ABR: variants seen among roughly 807,000 people sequenced by gnomAD.
ABR encodes the protein active breakpoint cluster region-related protein.
ABR carries 35 observed loss-of-function variants against 107.2 expected under a neutral mutation model. The observed-to-expected ratio is 0.33, with a 90% CI of 0.25 to 0.43. ABR has a LOEUF of 0.43. Among genes scored for constraint, ABR ranks in the 20% least tolerant of loss-of-function variants. ABR has a pLI of 1.00. For synonymous variants in ABR, 498 were observed against 462.0 expected (o/e 1.08, Z -1.00); for missense variants, 815 against 1,115.2 (o/e 0.73, Z 3.83).
rs796647712 is a variant in ABR at position 1,208,805 on chromosome 17, A to C, written c.838+19988T>G. The stretch of plus-strand genomic sequence containing the variant: ...CGGGAGGCTGAGGCAGGAGAATGGC[A>C]TGAACCCGGGAGGTGGAGCTTGCAG... On this transcript the variant is annotated intron_variant, in intron 1 of 22. Coordinates refer to the ABR transcript ENST00000574139. Among the ~76,000 whole-genome samples the C allele has an allele frequency of 7.0e-4, 106 of 151,456 alleles. 1 individual carries two copies. The Middle Eastern group carries it at 0.017, about 24-fold the overall frequency.
At chr17:1,176,947 C>T (rs1173250345) in intron 1 of ABR, among the ~76,000 whole-genome samples, 3 of 151,972 alleles carry the variant, frequency 2.0e-5, no homozygotes, top group African/African-American at 4.8e-5. Context: ...TCAGGAGACG[C>T]TATTATCATT....
intron 16 of ABR, among the ~76,000 whole-genome samples, chr17:1,030,423 G>A (rs776946673): frequency 3.3e-5 from 5 of 152,228 alleles, no homozygotes; most frequent in African/African-American, 1.2e-4. Flanking sequence ...ATGAGTCCAC[G>A]CTGCCGGGCA....
intron 7 of ABR, 117 bp from the exon 8 acceptor site, chr17:1,072,871 G>T (rs929603470): frequency 2.3e-6 from 3 of 1,326,852 alleles, no homozygotes; most frequent in Non-Finnish European, 3.0e-6. Context: ...CCTAATTCCC[G>T]CAAAATCTGA....
At chr17:1,093,499 T>C (rs955718061) in intron 3 of ABR, among the ~76,000 whole-genome samples, 3 of 152,074 alleles carry the variant, frequency 2.0e-5, no homozygotes, top group African/African-American at 7.2e-5. Context: ...AGACTTAATC[T>C]ACGTTGCTCT....
chr17:1,127,507 A>C (rs1168439530), intron 1 of ABR, among the ~76,000 whole-genome samples: 1 of 152,058 alleles, frequency 6.6e-6, no homozygotes, highest in African/African-American at 2.4e-5. Flanking sequence ...TGGGTCCGTG[A>C]AGGGCCTGGC....
chr17:1,018,689 C>T (rs1331882698), intron 16 of ABR, among the ~76,000 whole-genome samples: 5 of 152,164 alleles, frequency 3.3e-5, no homozygotes, highest in South Asian at 2.1e-4. Context: ...CTTTCACCTC[C>T]GTGAACTTCA....
rs568041658 is a variant in ABR, at chr17:1,052,358, G to C, written c.1562-1724C>G. 5.6e-4 allele frequency among the ~76,000 whole-genome samples: 84 copies of C among 150,956 alleles called. 1 individual carries two copies. The highest frequency in any genetic ancestry group is 1.9e-3 in the African/African-American group (77 of 40,944). Reference sequence around the variant, plus strand: ...GGGCTGGGGAGGGCTCACAGGGTCAGAGGGAGGGTTCCGGAAGGGGCTGGG... The same window carrying C: ...GGGCTGGGGAGGGCTCACAGGGTCACAGGGAGGGTTCCGGAAGGGGCTGGG... On this transcript the variant is annotated intron_variant, in intron 14 of 22. Coordinates refer to ENST00000302538, the MANE Select transcript of ABR (RefSeq NM_021962.5).
At chr17:1,100,593 C>T (rs374210474) in intron 3 of ABR, 44 bp downstream of exon 3, 52 of 1,579,472 alleles carry the variant, frequency 3.3e-5, no homozygotes, top group Middle Eastern at 1.7e-4. Flanking sequence ...TCACCCAACA[C>T]GGGCGGGGGG....
chr17:1,080,212 TACTC>T (rs2036119285), intron 5 of ABR, among the ~76,000 whole-genome samples: 1 of 152,036 alleles, frequency 6.6e-6, no homozygotes, highest in South Asian at 2.1e-4. Context: ...AGAGAGCACT[TACTC>T]AGCCCCCAGC....
chr17:1,072,901 C>T, intron 7 of ABR, 147 bp from the exon 8 acceptor site: 1 of 1,152,114 alleles, frequency 8.7e-7, no homozygotes, highest in South Asian at 1.6e-5. Flanking sequence ...CAGAGTCAGG[C>T]CGGGCACGGC....
intron 2 of ABR, among the ~76,000 whole-genome samples, chr17:1,104,852 T>C (rs896412506): frequency 1.3e-5 from 2 of 152,188 alleles, no homozygotes; most frequent in Non-Finnish European, 2.9e-5. Context: ...TATTCTGGGC[T>C]CCCTATTGCT....
At chr17:1,017,539 G>C (rs528160129) in intron 16 of ABR, among the ~76,000 whole-genome samples, 1 of 147,500 alleles carries the variant, frequency 6.8e-6, no homozygotes, top group Non-Finnish European at 1.5e-5. Flanking sequence ...GTGTGATCTC[G>C]GCTGACTGCA....
chr17:1,042,560 A>G (rs1490634127), intron 16 of ABR, among the ~76,000 whole-genome samples: 1 of 151,262 alleles, frequency 6.6e-6, no homozygotes, highest in Non-Finnish European at 1.5e-5. Flanking sequence ...GGACGGATGG[A>G]TGGGTAAACA....
Position 1,050,631 on chromosome 17 carries a change from A to G in ABR, c.1565T>C (p.Leu522Pro). ...GGAATCCACCTCCAGGGTACAGTACAGGTCTGTGGGGGAAGGACAGACGGA... is the reference window on the plus strand; with the variant it reads ...GGAATCCACCTCCAGGGTACAGTACGGGTCTGTGGGGGAAGGACAGACGGA... ...SAKGFKQSAN[L>P]YCTLEVDSFG... The change falls in exon 15 of 23, where the codon CTG becomes CCG. Residue 522 changes from leucine to proline, a missense_variant. Around this residue, in one of 5 missense-constraint regions of ABR, gnomAD observed 385 missense variants for 596.9 expected, o/e 0.64. Coordinates refer to ENST00000302538, the MANE Select transcript of ABR (RefSeq NM_021962.5). The surrounding 1 kb of genome is among the most constrained non-coding windows in gnomAD (Gnocchi z 4.6). 1 of 1,613,568 alleles carries G rather than the reference A, an allele frequency of 6.2e-7. No individual in the cohort carries two copies. Among genetic ancestry groups the G allele is most frequent in the Admixed American group, 1.7e-5 (1 of 60,014 alleles).
chr17:1,031,956 C>A, intron 16 of ABR: 1 of 912,656 alleles, frequency 1.1e-6, no homozygotes, highest in Non-Finnish European at 1.4e-6. Flanking sequence ...CTCCGCGAGG[C>A]TGCAGCCCAG....
At chr17:1,034,620 C>T (rs2073031882) in intron 16 of ABR, among the ~76,000 whole-genome samples, 1 of 152,062 alleles carries the variant, frequency 6.6e-6, no homozygotes, top group Non-Finnish European at 1.5e-5. Context: ...AGGGAAAGGC[C>T]ATCCACCCTC....
chr17:1,006,089 G>C lies in ABR; in HGVS notation c.2571C>G (p.Thr857=). Residue 857 remains threonine, a synonymous_variant, in exon 23 of 23, where the codon ACC becomes ACG. Coordinates refer to ENST00000302538, the MANE Select transcript of ABR (RefSeq NM_021962.5). ...ELKRNTLYFS[T]DV is the part of the protein sequence containing the mutation. ...GCCACCCTGCCTCGGGCTACACGTCGGTGGAGAAGTACAGTGTGTTCCGCT... is the reference window on the plus strand; with the variant it reads ...GCCACCCTGCCTCGGGCTACACGTCCGTGGAGAAGTACAGTGTGTTCCGCT... 1.9e-6 allele frequency: 3 copies of C among 1,570,006 alleles called. No individual in the cohort carries two copies. The highest frequency in any genetic ancestry group is 2.6e-6 in the Non-Finnish European group (3 of 1,157,242).
chr17:1,023,632 C>T (rs1016342177), intron 16 of ABR, among the ~76,000 whole-genome samples: 7 of 152,210 alleles, frequency 4.6e-5, no homozygotes, highest in Non-Finnish European at 8.8e-5. Context: ...CTTCTGTGGT[C>T]CTGACCAGGA....
rs114215970 is a variant in ABR at position 1,169,179 on chromosome 17, G to A, written c.61+10488C>T. On this transcript the variant is annotated intron_variant, in intron 1 of 22. Coordinates refer to ENST00000302538, the MANE Select transcript of ABR (RefSeq NM_021962.5). ...AAAGCCAGATGATGCCTGAGCTTCC[G>A]CCACGCAGGAAGAGGGTGAGCAGAG... Among the ~76,000 whole-genome samples, 1,319 of 152,312 alleles carry A rather than the reference G, an allele frequency of 8.7e-3. 18 individuals are homozygous for A. Among genetic ancestry groups the A allele is most frequent in the African/African-American group, 0.03 (1,260 of 41,568 alleles).
Sources: gnomAD v4.1 joint callset for allele counts (sites outside exome capture counted in the v4.1 genomes callset) on GRCh38, gnomAD v4.1.1 for gene constraint, gnomAD v4.1.1 regional missense constraint, Gnocchi (gnomAD v3.1) non-coding constraint, MANE v1.5 for transcripts, NCBI Gene and HGNC (gene_info 2026-07-23, HGNC 2026-07-21) for gene names.